DENND1A: variants seen among roughly 807,000 people sequenced by gnomAD.
DENND1A encodes DENN domain-containing protein 1A.
A neutral mutation model predicts 113.7 loss-of-function variants in DENND1A; 51 were observed. The observed-to-expected ratio is 0.45, with a 90% CI of 0.36 to 0.57. The LOEUF is 0.57. Among genes scored for constraint, DENND1A ranks in the 20% least tolerant of loss-of-function variants. The pLI, the probability that DENND1A is intolerant of heterozygous loss-of-function variation, is 0.00. For synonymous variants in DENND1A, 565 were observed against 570.8 expected, an observed-to-expected ratio of 0.99 and a Z score of 0.14; for missense variants, 1,258 against 1,395.9, an observed-to-expected ratio of 0.90 and a Z score of 1.57.
chr9:123,810,600 A>AG (rs1453858750), intron 2 of DENND1A, among the ~76,000 whole-genome samples: 1 of 151,238 alleles, frequency 6.6e-6, no homozygotes, highest in Admixed American at 6.6e-5. Flanking sequence ...GATAAACTAA[A>AG]GGAAAAAAAA....
intron 1 of DENND1A, among the ~76,000 whole-genome samples, chr9:123,899,891 T>C (rs911362981): frequency 1.3e-5 from 2 of 152,198 alleles, no homozygotes; most frequent in African/African-American, 4.8e-5. Flanking sequence ...ACTTATCCTG[T>C]GGTAGCAAAG....
chr9:123,464,830 T>C (rs185928273), intron 13 of DENND1A, among the ~76,000 whole-genome samples: 51 of 151,782 alleles, frequency 3.4e-4, no homozygotes, highest in African/African-American at 1.1e-3. Context: ...ACTGACTTTG[T>C]ATAAGTTTGA....
intron 4 of DENND1A, among the ~76,000 whole-genome samples, chr9:123,763,146 AAC>A (rs1258580890): frequency 2.0e-5 from 3 of 152,068 alleles, no homozygotes; most frequent in Admixed American, 2.0e-4. Context: ...TCAAGAGAAA[AAC>A]ACAGTCTGGT....
intron 13 of DENND1A, among the ~76,000 whole-genome samples, chr9:123,521,813 C>G (rs1481963192): frequency 6.6e-6 from 1 of 152,226 alleles, no homozygotes; most frequent in Non-Finnish European, 1.5e-5. Context: ...CATACTAAAT[C>G]TCTGCCCTTC....
At chr9:123,619,480 C>T (rs936980389) in intron 10 of DENND1A, among the ~76,000 whole-genome samples, 7 of 152,076 alleles carry the variant, frequency 4.6e-5, no homozygotes, top group African/African-American at 9.7e-5. Flanking sequence ...AGTGCAATGG[C>T]GTGATCACAG....
rs562017254 is a variant in DENND1A at position 123,524,913 on chromosome 9, C to T, written c.993+32657G>A. ...GGAGGAGATGGGAAGAATTTCAACC[C>T]AGACTGTTTCACACCTGGAAAGCTA... On this transcript the variant is annotated intron_variant, in intron 13 of 23. Transcript: ENST00000394215. 1.0e-3 allele frequency among the ~76,000 whole-genome samples: 156 copies of T among 152,320 alleles called. No homozygotes were observed. In the Middle Eastern group the frequency reaches 0.014, roughly 13 times the overall value.
intron 11 of DENND1A, among the ~76,000 whole-genome samples, chr9:123,594,260 TCTTA>T (rs2059589677): frequency 6.6e-6 from 1 of 152,154 alleles, no homozygotes; most frequent in Admixed American, 6.5e-5. Flanking sequence ...GCATCCATCA[TCTTA>T]CTGACACACA....
intron 1 of DENND1A, among the ~76,000 whole-genome samples, chr9:123,901,080 G>A (rs1851540491): frequency 6.6e-6 from 1 of 152,210 alleles, no homozygotes; most frequent in African/African-American, 2.4e-5. Flanking sequence ...CATATTAGGT[G>A]TATGGATTTT....
At chr9:123,653,187 G>A (rs935042500) in intron 8 of DENND1A, among the ~76,000 whole-genome samples, 2 of 152,168 alleles carry the variant, frequency 1.3e-5, no homozygotes, top group Admixed American at 6.5e-5. Context: ...GAGTAAAAAT[G>A]GGCACTTATC....
chr9:123,782,328 T>A (rs1339851483), intron 3 of DENND1A, among the ~76,000 whole-genome samples: 1 of 152,204 alleles, frequency 6.6e-6, no homozygotes, highest in Non-Finnish European at 1.5e-5. Flanking sequence ...AGGCATCATG[T>A]CTGATATACA....
chr9:123,633,897 T>G (rs545278446), intron 9 of DENND1A, among the ~76,000 whole-genome samples: 1 of 152,238 alleles, frequency 6.6e-6, no homozygotes, highest in Admixed American at 6.5e-5. Context: ...TTCAATCATA[T>G]GCCTACTCTC....
At chr9:123,529,725 GT>G (rs1314790589) in intron 13 of DENND1A, among the ~76,000 whole-genome samples, 2 of 152,316 alleles carry the variant, frequency 1.3e-5, no homozygotes, top group African/African-American at 4.8e-5. Context: ...CACAGTCTGG[GT>G]CTGAAGTCAC....
intron 18 of DENND1A, among the ~76,000 whole-genome samples, chr9:123,445,606 CA>C (rs1280417687): frequency 2.6e-5 from 4 of 152,224 alleles, no homozygotes; most frequent in Admixed American, 6.5e-5. Flanking sequence ...TGCAGTGGCT[CA>C]TGCCTGTAAT....
intron 5 of DENND1A, among the ~76,000 whole-genome samples, chr9:123,735,928 G>T (rs573869066): frequency 6.6e-6 from 1 of 152,250 alleles, no homozygotes; most frequent in East Asian, 1.9e-4. Flanking sequence ...GAACCTGGGA[G>T]GCAGAGGTTG....
At chr9:123,495,897 G>C (rs2051872122) in intron 13 of DENND1A, among the ~76,000 whole-genome samples, 1 of 152,232 alleles carries the variant, frequency 6.6e-6, no homozygotes, top group South Asian at 2.1e-4. Context: ...CTGTCAGAGA[G>C]GACCCGACAG....
At chr9:123,385,029 T>G (rs2130905771) in intron 22 of DENND1A, among the ~76,000 whole-genome samples, 1 of 152,286 alleles carries the variant, frequency 6.6e-6, no homozygotes, top group African/African-American at 2.4e-5. Flanking sequence ...GATCCAAGTA[T>G]AGTTAACAAA....
chr9:123,585,489 G>A (rs75335986), intron 11 of DENND1A, among the ~76,000 whole-genome samples: 4,610 of 152,270 alleles, frequency 0.03, 85 homozygotes, highest in African/African-American at 0.037. Context: ...ATTTTACAGC[G>A]CTTTTGTTAT....
At chr9:123,912,792 G>A (rs1375617868) in intron 1 of DENND1A, among the ~76,000 whole-genome samples, 1 of 152,166 alleles carries the variant, frequency 6.6e-6, no homozygotes, top group Non-Finnish European at 1.5e-5. Context: ...ATGTGGAGGA[G>A]ACCTACCAGA....
intron 5 of DENND1A, among the ~76,000 whole-genome samples, chr9:123,701,909 A>T (rs1362182015): frequency 1.3e-5 from 2 of 152,240 alleles, no homozygotes; most frequent in Non-Finnish European, 2.9e-5. Flanking sequence ...AGGTCAATGC[A>T]TGACTACAAG....
Sources: allele counts gnomAD v4.1 joint callset (sites outside exome capture counted in the v4.1 genomes callset), GRCh38; gene constraint gnomAD v4.1.1; transcripts MANE v1.5; gene names NCBI Gene and HGNC (gene_info 2026-07-23, HGNC 2026-07-21).